PDE3A: variants seen among roughly 807,000 people sequenced by gnomAD.
PDE3A encodes the protein phosphodiesterase 3A, also known as cGMP-inhibited 3',5'-cyclic phosphodiesterase 3A.
PDE3A carries 43 observed loss-of-function variants against 98.3 expected under a neutral mutation model. The ratio of observed to expected loss-of-function variants is 0.44; its 90% CI spans 0.34 to 0.56. PDE3A has a LOEUF of 0.56. Among genes scored for constraint, PDE3A ranks in the 20% least tolerant of loss-of-function variants. The pLI, the probability that PDE3A is intolerant of heterozygous loss-of-function variation, is 0.01. For missense variants in PDE3A, 1,427 were observed against 1,440.7 expected, an observed-to-expected ratio of 0.99 and a Z score of 0.15; for synonymous variants, 663 against 567.9, an observed-to-expected ratio of 1.17 and a Z score of -2.38.
At chr12:20,661,671 C>T (rs988596169) in intron 15 of PDE3A, among the ~76,000 whole-genome samples, 11 of 152,198 alleles carry the variant, frequency 7.2e-5, no homozygotes, top group African/African-American at 2.7e-4. Flanking sequence ...AGCCTTGGCA[C>T]CTTCCATGTG....
intron 1 of PDE3A, among the ~76,000 whole-genome samples, chr12:20,445,629 A>G (rs79617433): frequency 1.3e-5 from 2 of 152,188 alleles, no homozygotes; most frequent in Non-Finnish European, 2.9e-5. Flanking sequence ...TTAAAAGTTA[A>G]CAAAATTTTG....
chr12:20,473,397 A>G (rs1365407876), intron 1 of PDE3A, among the ~76,000 whole-genome samples: 4 of 152,170 alleles, frequency 2.6e-5, no homozygotes, highest in African/African-American at 4.8e-5. Flanking sequence ...TGTATTTTCA[A>G]CATGTTTCCT....
chr12:20,452,846 G>T (rs536560059), intron 1 of PDE3A, among the ~76,000 whole-genome samples: 3 of 152,118 alleles, frequency 2.0e-5, no homozygotes, highest in African/African-American at 7.2e-5. Flanking sequence ...TCTGACCCTC[G>T]CACTCTTTGG....
chr12:20,412,204 A>G (rs764467822), intron 1 of PDE3A, among the ~76,000 whole-genome samples: 9 of 152,196 alleles, frequency 5.9e-5, no homozygotes, highest in Non-Finnish European at 8.8e-5. Context: ...ATTAGCAAGC[A>G]TAGTGTAAAT....
At chr12:20,558,012 A>C (rs1403714574) in intron 2 of PDE3A, among the ~76,000 whole-genome samples, 2 of 152,164 alleles carry the variant, frequency 1.3e-5, no homozygotes, top group African/African-American at 4.8e-5. Context: ...ATGGTTTCTG[A>C]TGATTGCCAC....
intron 2 of PDE3A, among the ~76,000 whole-genome samples, chr12:20,597,915 A>G (rs1202088402): frequency 1.3e-5 from 2 of 152,182 alleles, no homozygotes; most frequent in Non-Finnish European, 2.9e-5. Flanking sequence ...CCTTTGTGAC[A>G]TTATTGAAAT....
chr12:20,641,672 G>T (rs1944650443), intron 10 of PDE3A, among the ~76,000 whole-genome samples: 1 of 152,108 alleles, frequency 6.6e-6, no homozygotes, highest in South Asian at 2.1e-4. Flanking sequence ...TTAAATCATA[G>T]TTGAAAGATG....
chr12:20,661,799 G>A (rs1373690899), intron 15 of PDE3A, among the ~76,000 whole-genome samples: 1 of 152,168 alleles, frequency 6.6e-6, no homozygotes, highest in Non-Finnish European at 1.5e-5. Flanking sequence ...GCAGGGGTGG[G>A]GCAGTCATGC....
At chr12:20,597,625 C>T (rs932383802) in intron 2 of PDE3A, among the ~76,000 whole-genome samples, 13 of 152,112 alleles carry the variant, frequency 8.5e-5, no homozygotes, top group African/African-American at 3.1e-4. Context: ...AGGATCTGCA[C>T]TTTGAGAAAC....
chr12:20,525,473 G>T (rs1186368785), intron 1 of PDE3A, among the ~76,000 whole-genome samples: 1 of 147,436 alleles, frequency 6.8e-6, no homozygotes, highest in African/African-American at 2.5e-5. Flanking sequence ...TGGTTGGGGG[G>T]GGGGGCTTTT....
At chr12:20,493,861 C>T (rs1945870586) in intron 1 of PDE3A, among the ~76,000 whole-genome samples, 1 of 152,286 alleles carries the variant, frequency 6.6e-6, no homozygotes, top group African/African-American at 2.4e-5. Context: ...AACTCCTGAC[C>T]TCAGGTGATC....
chr12:20,530,425 A>G (rs1039947310), intron 1 of PDE3A, among the ~76,000 whole-genome samples: 1 of 152,114 alleles, frequency 6.6e-6, no homozygotes, highest in Admixed American at 6.5e-5. Context: ...ATCCAATAAT[A>G]GATTCAAATA....
chr12:20,423,740 G>C (rs578039779), intron 1 of PDE3A, among the ~76,000 whole-genome samples: 12 of 152,210 alleles, frequency 7.9e-5, no homozygotes, highest in Admixed American at 6.5e-4. Flanking sequence ...TCCCTCTGTA[G>C]CAAGTGAGCC....
At chr12:20,570,236 A>G (rs1942764830) in intron 2 of PDE3A, among the ~76,000 whole-genome samples, 1 of 151,744 alleles carries the variant, frequency 6.6e-6, no homozygotes, top group South Asian at 2.1e-4. Flanking sequence ...GTGAAATGCC[A>G]TCTCTACTAA....
chr12:20,594,927 A>G (rs1943428712), intron 2 of PDE3A, among the ~76,000 whole-genome samples: 1 of 152,094 alleles, frequency 6.6e-6, no homozygotes, highest in African/African-American at 2.4e-5. Flanking sequence ...AGATCGATAC[A>G]TTATAAAATT....
chr12:20,515,801 C>T (rs1946309947), intron 1 of PDE3A, among the ~76,000 whole-genome samples: 2 of 150,026 alleles, frequency 1.3e-5, no homozygotes, highest in Admixed American at 1.3e-4. Flanking sequence ...GGCGGGATCT[C>T]GGCTCACTGC....
At chr12:20,487,964 T>C (rs1431794991) in intron 1 of PDE3A, among the ~76,000 whole-genome samples, 1 of 152,232 alleles carries the variant, frequency 6.6e-6, no homozygotes, top group Non-Finnish European at 1.5e-5. Context: ...ATTATGTTTT[T>C]ATGTTTCTTC....
chr12:20,532,734 G>T (rs1207961183), intron 1 of PDE3A, among the ~76,000 whole-genome samples: 1 of 143,634 alleles, frequency 7.0e-6, no homozygotes, highest in African/African-American at 2.6e-5. Flanking sequence ...TGTCACCCAG[G>T]CTGGAGTGCA....
At chr12:20,435,539 T>C (rs944615931) in intron 1 of PDE3A, among the ~76,000 whole-genome samples, 4 of 152,058 alleles carry the variant, frequency 2.6e-5, no homozygotes, top group African/African-American at 9.7e-5. Flanking sequence ...GGAAGATTGG[T>C]GATAGGAAAA....
Sources: gnomAD v4.1 joint callset for allele counts (sites outside exome capture counted in the v4.1 genomes callset) on GRCh38, gnomAD v4.1.1 for gene constraint, MANE v1.5 for transcripts, NCBI Gene and HGNC (gene_info 2026-07-23, HGNC 2026-07-21) for gene names.